The following AGBL1 variants were observed in gnomAD, a reference collection of about 807,000 sequenced individuals.
AGBL1 encodes cytosolic carboxypeptidase 4.
Under a neutral mutation model 118.9 loss-of-function variants are expected in AGBL1, and 130 were observed. That is an observed-to-expected ratio of 1.09 (90% CI 0.95 to 1.26). AGBL1 has a LOEUF of 1.26. Among genes scored for constraint, AGBL1 ranks in the 50% most tolerant of loss-of-function variants. The probability of loss-of-function intolerance (pLI) is 0.00; values close to 1 mark genes in which losing one functional copy is unlikely to be tolerated. For missense variants in AGBL1, 1,584 were observed against 1,298.1 expected (o/e 1.22, Z -3.38); for synonymous variants, 555 against 478.9 (o/e 1.16, Z -2.08).
intron 22 of AGBL1, among the ~76,000 whole-genome samples, chr15:86,781,236 G>GT (rs1172195814): frequency 1.3e-5 from 2 of 151,942 alleles, no homozygotes; most frequent in Non-Finnish European, 2.9e-5. Flanking sequence ...TTCTCCAACA[G>GT]TTTATGAATT....
At chr15:86,312,167 T>A (rs1008856274) in intron 17 of AGBL1, 1 of 152,222 alleles carries the variant, frequency 6.6e-6, no homozygotes, top group Non-Finnish European at 1.5e-5. Flanking sequence ...ATGCTGAGAT[T>A]GTATTGTACT....
chr15:86,384,396 G>A (rs375787305), intron 17 of AGBL1, among the ~76,000 whole-genome samples: 5 of 152,096 alleles, frequency 3.3e-5, no homozygotes, highest in African/African-American at 9.7e-5. Context: ...ATTGATGGGG[G>A]CGGGTGCACA....
intron 7 of AGBL1, among the ~76,000 whole-genome samples, chr15:86,249,407 C>T (rs2078772448): frequency 1.3e-5 from 2 of 152,156 alleles, no homozygotes; most frequent in Non-Finnish European, 1.5e-5. Flanking sequence ...TTTTCCCCTG[C>T]TAAACAATAA....
At chr15:86,161,945 T>G (rs571770548) in intron 5 of AGBL1, among the ~76,000 whole-genome samples, 5 of 152,348 alleles carry the variant, frequency 3.3e-5, no homozygotes, top group African/African-American at 1.2e-4. Context: ...ACAAATAATG[T>G]GTAAAGACAT....
chr15:86,283,650 G>A (rs573430608), intron 16 of AGBL1, among the ~76,000 whole-genome samples: 4 of 152,256 alleles, frequency 2.6e-5, no homozygotes, highest in Non-Finnish European at 4.4e-5. Context: ...GTGGCATATC[G>A]AAGATGCAAT....
At chr15:86,786,181 G>A (rs1317690477) in intron 22 of AGBL1, among the ~76,000 whole-genome samples, 1 of 151,978 alleles carries the variant, frequency 6.6e-6, no homozygotes, top group Non-Finnish European at 1.5e-5. Context: ...ATGTATACAC[G>A]TGCCATGCTG....
At chr15:86,295,474 ATT>A in intron 17 of AGBL1, 66 bp downstream of exon 17, 1 of 1,464,266 alleles carries the variant, frequency 6.8e-7, no homozygotes, top group Non-Finnish European at 9.1e-7. Flanking sequence ...TCTTGGAAGC[ATT>A]CTGTCTCTTT....
At chr15:86,166,063 G>C (rs2077337407) in intron 5 of AGBL1, among the ~76,000 whole-genome samples, 1 of 152,132 alleles carries the variant, frequency 6.6e-6, no homozygotes, top group Non-Finnish European at 1.5e-5. Context: ...GGTCTTAAGG[G>C]ACCTTCTTAT....
At chr15:86,866,470 T>C (rs966772404) in intron 22 of AGBL1, among the ~76,000 whole-genome samples, 5 of 152,310 alleles carry the variant, frequency 3.3e-5, no homozygotes, top group Admixed American at 1.3e-4. Flanking sequence ...ATCTACTTCT[T>C]GCATAAGTCT....
At chr15:86,633,223 TAATG>T (rs1276876663) in intron 21 of AGBL1, among the ~76,000 whole-genome samples, 6 of 152,242 alleles carry the variant, frequency 3.9e-5, no homozygotes, top group Admixed American at 3.3e-4. Context: ...TGTTGTGTGA[TAATG>T]AATGGATAGA....
At chr15:86,737,447 T>G (rs2077618455) in intron 22 of AGBL1, among the ~76,000 whole-genome samples, 2 of 152,248 alleles carry the variant, frequency 1.3e-5, no homozygotes, top group Non-Finnish European at 2.9e-5. Flanking sequence ...TGTTTCGTTT[T>G]CTTTTAAATC....
rs55853614 is a variant in AGBL1 at position 86,123,735 on chromosome 15, C to T, written c.52-18269C>T. ...TGTATTGATTGATGTCTTATGTCTC[C>T]CTAAAGGGTATAAAACCAAGCTGTA... On this transcript the variant is annotated intron_variant, in intron 1 of 22. Transcript: ENST00000614907. 6.7e-3 allele frequency among the ~76,000 whole-genome samples: 1,023 copies of T among 152,252 alleles called. 8 individuals carry two copies. Among genetic ancestry groups the T allele is most frequent in the African/African-American group, 0.024 (982 of 41,532 alleles).
chr15:86,096,000 AT>A (rs757298926), intron 1 of AGBL1, among the ~76,000 whole-genome samples: 4 of 151,852 alleles, frequency 2.6e-5, no homozygotes, highest in Admixed American at 1.3e-4. Context: ...TTTTTTTCAT[AT>A]TTTTGGTTCA....
intron 24 of AGBL1, among the ~76,000 whole-genome samples, chr15:87,008,669 C>A (rs1375607347): frequency 1.3e-5 from 2 of 152,128 alleles, no homozygotes; most frequent in Non-Finnish European, 2.9e-5. Context: ...AAGTTTGAAA[C>A]CCCCTGGAGA....
chr15:86,514,983 C>T (rs2083101992), intron 18 of AGBL1, among the ~76,000 whole-genome samples: 1 of 152,122 alleles, frequency 6.6e-6, no homozygotes, highest in Admixed American at 6.5e-5. Context: ...TACATAGTTG[C>T]ATAATACTTC....
chr15:86,293,386 G>A, intron 16 of AGBL1, among the ~76,000 whole-genome samples: 1 of 152,118 alleles, frequency 6.6e-6, no homozygotes, highest in Non-Finnish European at 1.5e-5. Context: ...CCAGCTTCTA[G>A]AGGCCACCTG....
At chr15:86,616,574 GA>G (rs2084729873) in intron 21 of AGBL1, among the ~76,000 whole-genome samples, 1 of 152,066 alleles carries the variant, frequency 6.6e-6, no homozygotes, top group East Asian at 1.9e-4. Context: ...TTTTGTTATT[GA>G]TTTAACTTGC....
At chr15:86,327,425 G>C (rs2080200184) in intron 17 of AGBL1, among the ~76,000 whole-genome samples, 1 of 152,206 alleles carries the variant, frequency 6.6e-6, no homozygotes, top group Admixed American at 6.5e-5. Flanking sequence ...CAACATCTCT[G>C]ACTCATTCTC....
At chr15:86,474,509 G>C (rs763184873) in intron 18 of AGBL1, among the ~76,000 whole-genome samples, 1 of 152,192 alleles carries the variant, frequency 6.6e-6, no homozygotes, top group Admixed American at 6.5e-5. Flanking sequence ...GAACTGCAAG[G>C]CGGCAGCAAG....
Sources: allele counts gnomAD v4.1 joint callset (sites outside exome capture counted in the v4.1 genomes callset), GRCh38; gene constraint gnomAD v4.1.1; transcripts MANE v1.5; gene names NCBI Gene and HGNC (gene_info 2026-07-23, HGNC 2026-07-21).